Variants in FBH1 observed in about 807,000 individuals in gnomAD.
FBH1 encodes the protein F-box DNA helicase 1.
In FBH1, 43 loss-of-function variants were observed where a neutral mutation model predicts 115.5. That is an observed-to-expected ratio of 0.37 (90% CI 0.29 to 0.48). The LOEUF is 0.48. Among genes scored for constraint, FBH1 ranks in the 20% least tolerant of loss-of-function variants. The pLI is 0.99. For missense variants in FBH1, 1,001 were observed against 1,337.3 expected, an observed-to-expected ratio of 0.75 and a Z score of 3.92; for synonymous variants, 524 against 507.8, an observed-to-expected ratio of 1.03 and a Z score of -0.43.
At chr10:5,898,660 T>G (rs1036268587) in intron 1 of FBH1, among the ~76,000 whole-genome samples, 2 of 152,160 alleles carry the variant, frequency 1.3e-5, no homozygotes, top group African/African-American at 4.8e-5. Flanking sequence ...TCCACCCACC[T>G]TGGCCTCTCA....
In FBH1 at chr10:5,924,094, G is replaced by A. The variant is rs534354250; in HGVS notation, c.2399-217G>A. 61 of 592,792 alleles carry A rather than the reference G, an allele frequency of 1.0e-4. No homozygotes were observed. Among genetic ancestry groups the A allele is most frequent in the Non-Finnish European group, 1.6e-4 (55 of 334,430 alleles). 36.7% of individuals were successfully genotyped at this position (592,792 alleles called of 1,614,324 possible). ...GTGAAGTAGGTGAGGATCTTGAGCC[G>A]AGGGCTTTGCTCCTCAGTCGGAGAC... On this transcript the variant is annotated intron_variant, in intron 16 of 20. Coordinates refer to ENST00000362091, the MANE Select transcript of FBH1 (RefSeq NM_178150.3). This position sits in a 1 kb window ranked among gnomAD's most constrained non-coding sequence, Gnocchi z 6.2.
intron 19 of FBH1, among the ~76,000 whole-genome samples, chr10:5,927,886 A>G (rs1832745451): frequency 6.6e-6 from 1 of 151,972 alleles, no homozygotes; most frequent in African/African-American, 2.4e-5. Flanking sequence ...AGCCTGGCCA[A>G]CATGGTGAAA....
rs1564442850 is a variant in FBH1, at chr10:5,909,035, G to C, written c.864G>C (p.Leu288=). 2.5e-6 allele frequency: 4 copies of C among 1,614,198 alleles called. No individual in the cohort carries two copies. Among genetic ancestry groups the C allele is most frequent in the Non-Finnish European group, 3.4e-6 (4 of 1,180,038 alleles). The change falls in exon 4 of 21, where the codon CTG becomes CTC. Residue 288 remains leucine, a synonymous_variant. Transcript: ENST00000362091. This position sits in a 1 kb window ranked among gnomAD's most constrained non-coding sequence, Gnocchi z 4.4. ...SNCGIEKESD[L]CVLNLIRYTA... ...GTGGCATAGAAAAGGAGTCAGACCTGTGTGTGCTGAACCTCATACGGTGAG... is the reference window on the plus strand; with the variant it reads ...GTGGCATAGAAAAGGAGTCAGACCTCTGTGTGCTGAACCTCATACGGTGAG...
chr10:5,921,618 C>A lies in FBH1; in HGVS notation c.2322+49C>A. 1.3e-6 allele frequency: 2 copies of A among 1,572,368 alleles called. No individual in the cohort carries two copies. Among genetic ancestry groups the A allele is most frequent in the Non-Finnish European group, 1.7e-6 (2 of 1,169,388 alleles). On this transcript the variant is annotated intron_variant, in intron 15 of 20. Coordinates refer to ENST00000362091, the MANE Select transcript of FBH1 (RefSeq NM_178150.3). The surrounding 1 kb of genome is among the most constrained non-coding windows in gnomAD (Gnocchi z 6.4). Reference sequence around the variant, plus strand: ...ACTTCATGCACAGAAACGTTGTAGACGAACATACCCAATGGAAATGTTCAC... The same window carrying A: ...ACTTCATGCACAGAAACGTTGTAGAAGAACATACCCAATGGAAATGTTCAC...
In FBH1 at chr10:5,917,215, C is replaced by T; in HGVS notation, c.1789-205C>T. ...CTGTCCTGTCACGGGCATGGCACGG[C>T]CCGGCTGCTTCCTGTCTCAGCACTG... On this transcript the variant is annotated intron_variant, in intron 10 of 20. Transcript: ENST00000362091. This position sits in a 1 kb window ranked among gnomAD's most constrained non-coding sequence, Gnocchi z 5.6. 4 of 585,966 alleles carry T rather than the reference C, an allele frequency of 6.8e-6. No individual in the cohort carries two copies. The Admixed American group carries it at 1.2e-4, about 17-fold the overall frequency. The allele number at this position is 585,966 out of a possible 1,614,324, so 36.3% of individuals were successfully genotyped here. A position where few individuals can be genotyped will look rare whatever the true frequency, so the allele number is the denominator to read the frequency against.
chr10:5,892,666 A>G (rs1202188713), intron 1 of FBH1, among the ~76,000 whole-genome samples: 1 of 152,244 alleles, frequency 6.6e-6, no homozygotes, highest in East Asian at 1.9e-4. Flanking sequence ...TAGGACTTTC[A>G]GCCTCCCTCT....
At position 5,909,068 on chromosome 10, in the gene FBH1, T is replaced by G; in HGVS notation, c.884+13T>G. On this transcript the variant is annotated intron_variant, in intron 4 of 20. Transcript: ENST00000362091. This position sits in a 1 kb window ranked among gnomAD's most constrained non-coding sequence, Gnocchi z 4.4. ...TGAACCTCATACGGTGAGCTTTGCC[T>G]GTGCTGTAAAGAAGGCGTCTTTGAA... 6.2e-7 allele frequency: 1 copy of G among 1,614,112 alleles called. No individual in the cohort carries two copies. Among genetic ancestry groups the G allele is most frequent in the South Asian group, 1.1e-5 (1 of 91,082 alleles).
At chr10:5,892,065 G>A (rs1261286202) in intron 1 of FBH1, among the ~76,000 whole-genome samples, 4 of 45,434 alleles carry the variant, frequency 8.8e-5, no homozygotes, top group African/African-American at 2.3e-4. Context: ...CGCAGCTCCT[G>A]TGATTTTCTG....
chr10:5,909,502 T>C lies in FBH1; in HGVS notation c.1020+208T>C, dbSNP rs1831424858. On this transcript the variant is annotated intron_variant, in intron 5 of 20. Coordinates refer to ENST00000362091, the MANE Select transcript of FBH1 (RefSeq NM_178150.3). This position sits in a 1 kb window ranked among gnomAD's most constrained non-coding sequence, Gnocchi z 4.4. ...TAGAGTCTTAGATGTAGATGAAATTTTAACAAATCATTTAGTCTGATTTCC... is the reference window on the plus strand; with the variant it reads ...TAGAGTCTTAGATGTAGATGAAATTCTAACAAATCATTTAGTCTGATTTCC... 2 of 523,768 alleles carry C rather than the reference T, an allele frequency of 3.8e-6. No homozygotes were observed. Among genetic ancestry groups the C allele is most frequent in the Non-Finnish European group, 6.4e-6 (2 of 314,388 alleles). 32.4% of individuals were successfully genotyped at this position (523,768 alleles called of 1,614,324 possible).
In FBH1 at chr10:5,896,746, G is replaced by A. The variant is rs146961923; in HGVS notation, c.2-6274G>A. On this transcript the variant is annotated intron_variant, in intron 1 of 20. Transcript: ENST00000362091. ...CACAAGAACCCCTAGTTTAGACACAGCTTCCCTTTATCTGTGGTCATTCAC... is the reference window on the plus strand; with the variant it reads ...CACAAGAACCCCTAGTTTAGACACAACTTCCCTTTATCTGTGGTCATTCAC... 4.1e-3 allele frequency among the ~76,000 whole-genome samples: 617 copies of A among 152,156 alleles called. 2 individuals are homozygous for A. The highest frequency in any genetic ancestry group is 0.013 in the African/African-American group (533 of 41,502).
chr10:5,906,305 A>C lies in FBH1; in HGVS notation c.426A>C (p.Gly142=), dbSNP rs1321294345. 5 of 1,614,144 alleles carry C rather than the reference A, an allele frequency of 3.1e-6. No homozygotes were observed. Among genetic ancestry groups the C allele is most frequent in the Non-Finnish European group, 4.2e-6 (5 of 1,180,016 alleles). ...NQATGTSRWD[G]VSKKAPRHHL... is the part of the protein sequence containing the mutation. ...CTACCGGGACCAGCCGGTGGGATGG[A>C]GTTTCTAAGAAAGCTCCACGGCACC... The change falls in exon 3 of 21, where the codon GGA becomes GGC. Residue 142 remains glycine, a synonymous_variant. Transcript: ENST00000362091. The surrounding 1 kb of genome is among the most constrained non-coding windows in gnomAD (Gnocchi z 7.3).
chr10:5,916,691 G>A (rs1314982523), intron 10 of FBH1, among the ~76,000 whole-genome samples: 1 of 141,218 alleles, frequency 7.1e-6, no homozygotes, highest in Non-Finnish European at 1.5e-5. Flanking sequence ...TTAGGGATCT[G>A]AGGATGGGGG....
rs1347311388 is a variant in FBH1 at position 5,913,895 on chromosome 10, C to T, written c.1304+56C>T. ...TGTCTTCTGTCGACTCTTCCTCATACTTAAGGAGGGAGATGTTTTGCTTCA... is the reference window on the plus strand; with the variant it reads ...TGTCTTCTGTCGACTCTTCCTCATATTTAAGGAGGGAGATGTTTTGCTTCA... On this transcript the variant is annotated intron_variant, in intron 7 of 20. Transcript: ENST00000362091. The surrounding 1 kb of genome is among the most constrained non-coding windows in gnomAD (Gnocchi z 4.4). 4.6e-6 allele frequency: 6 copies of T among 1,310,676 alleles called. No individual in the cohort carries two copies. The highest frequency in any genetic ancestry group is 1.3e-5 in the South Asian group (1 of 78,726). 81.2% of individuals were successfully genotyped at this position (1,310,676 alleles called of 1,614,324 possible). A position where few individuals can be genotyped will look rare whatever the true frequency, so the allele number is the denominator to read the frequency against.
intron 1 of FBH1, among the ~76,000 whole-genome samples, chr10:5,902,203 G>T (rs1843389753): frequency 6.6e-6 from 1 of 152,012 alleles, no homozygotes; most frequent in Non-Finnish European, 1.5e-5. Flanking sequence ...AGGGGCTCGG[G>T]GGGCTGAGAC....
chr10:5,889,773 A>C, upstream of FBH1: 1 of 156,188 alleles, frequency 6.4e-6, no homozygotes, highest in Non-Finnish European at 1.4e-5. Flanking sequence ...CTACACCGCA[A>C]AGCCCCAAAG....
Position 5,914,297 on chromosome 10 carries a change from G to C in FBH1, c.1396+28G>C, listed in dbSNP as rs1020133210. On this transcript the variant is annotated intron_variant, in intron 8 of 20. Transcript: ENST00000362091. The surrounding 1 kb of genome is among the most constrained non-coding windows in gnomAD (Gnocchi z 5.2). ...AAGGGAGCCCACATCAGGTTCACGA[G>C]GTGGTGGTTTTCTGCCTTTTCTCCC... The C allele has an allele frequency of 6.2e-7, 1 of 1,604,468 alleles. No homozygotes were observed. The highest frequency in any genetic ancestry group is 8.5e-7 in the Non-Finnish European group (1 of 1,171,146).
rs547376643 is a variant in FBH1 at position 5,918,331 on chromosome 10, G to A, written c.1964-11G>A. ...CTCAAGGTTTCTCACTTTTCCTCTC[G>A]TTGGTTACAGCTATCATGAACATAG... On this transcript the variant is annotated splice_polypyrimidine_tract_variant and intron_variant, in intron 12 of 20. Transcript: ENST00000362091. This position sits in a 1 kb window ranked among gnomAD's most constrained non-coding sequence, Gnocchi z 4.0. The A allele has an allele frequency of 1.7e-5, 28 of 1,606,258 alleles. No homozygotes were observed. Among genetic ancestry groups the A allele is most frequent in the South Asian group, 5.5e-5 (5 of 90,310 alleles).
At position 5,915,560 on chromosome 10, in the gene FBH1, C is replaced by T; in HGVS notation, c.1554C>T (p.His518=). The change falls in exon 9 of 21, where the codon CAC becomes CAT. Residue 518 remains histidine (H), a synonymous_variant. Coordinates refer to ENST00000362091, the MANE Select transcript of FBH1 (RefSeq NM_178150.3). This position sits in a 1 kb window ranked among gnomAD's most constrained non-coding sequence, Gnocchi z 5.2. ...CCTTCCACTCCATGGCCTACGGGCA[C>T]ATAGGGCGGAAGTGAGTACTGCTGT... ...CKTFHSMAYG[H]IGRKYQSKKK... 3 of 1,614,172 alleles carry T rather than the reference C, an allele frequency of 1.9e-6. No homozygotes were observed. The highest frequency in any genetic ancestry group is 1.3e-5 in the African/African-American group (1 of 75,052).
At chr10:5,912,356 C>G (rs1300067979) in intron 6 of FBH1, among the ~76,000 whole-genome samples, 2 of 135,944 alleles carry the variant, frequency 1.5e-5, no homozygotes, top group Admixed American at 1.4e-4. Flanking sequence ...GAGTGAGGCT[C>G]TGTCTAAAAA....
Sources: gnomAD v4.1 joint callset for allele counts (sites outside exome capture counted in the v4.1 genomes callset) on GRCh38, gnomAD v4.1.1 for gene constraint, Gnocchi (gnomAD v3.1) non-coding constraint, MANE v1.5 for transcripts, NCBI Gene and HGNC (gene_info 2026-07-23, HGNC 2026-07-21) for gene names.